The following ANKRD27 variants were observed in gnomAD, a reference collection of about 807,000 sequenced individuals.
ANKRD27 encodes ankyrin repeat domain-containing protein 27.
Under a neutral mutation model 129.7 loss-of-function variants are expected in ANKRD27, and 112 were observed. The ratio of observed to expected loss-of-function variants is 0.86; its 90% CI spans 0.74 to 1.01. The LOEUF (loss-of-function observed/expected upper bound fraction) is 1.01. Among genes scored for constraint, ANKRD27 ranks in the 50% least tolerant of loss-of-function variants. ANKRD27 has a pLI of 0.00. For synonymous variants in ANKRD27, 516 were observed against 511.2 expected (o/e 1.01, Z -0.13); for missense variants, 1,258 against 1,300.5 (o/e 0.97, Z 0.50).
rs764258917 is a variant in ANKRD27 at position 32,598,340 on chromosome 19, C to A, written c.2958G>T (p.Leu986=). 3.2e-5 allele frequency: 51 copies of A among 1,614,074 alleles called. No homozygotes were observed. The highest frequency in any genetic ancestry group is 4.2e-5 in the Non-Finnish European group (50 of 1,180,038). ...CAGCATGAGATCCACTCTGAGCTGG[C>A]AGGTTATTCTGTCTCAGTGTGACAC... The part of the protein sequence containing the change: ...RQSVTLRQNN[L]PAQSGSHAAE... The change falls in exon 29 of 29, where the codon CTG becomes CTT. Residue 986 remains leucine, a synonymous_variant. Transcript: ENST00000306065.
At chr19:32,619,703 A>C (rs747043072) in intron 18 of ANKRD27, 150 bp from the exon 19 acceptor site, 63 of 933,496 alleles carry the variant, frequency 6.7e-5, no homozygotes, top group Admixed American at 1.0e-4. Context: ...GCACCCTTGG[A>C]TAGACAGAAA....
Position 32,613,656 on chromosome 19 carries a change from G to A in ANKRD27, c.2175+2002C>T, listed in dbSNP as rs562853732. 7.9e-4 allele frequency among the ~76,000 whole-genome samples: 119 copies of A among 150,974 alleles called. 3 individuals carry two copies. The South Asian group carries it at 0.02, about 26-fold the overall frequency. On this transcript the variant is annotated intron_variant, in intron 22 of 28. Coordinates refer to ENST00000306065, the MANE Select transcript of ANKRD27 (RefSeq NM_032139.3). ...GCAACAGTGTGGAATCAAACGGAGTGAAGAAAGTCAATCCCAAAAGGATTG... is the reference window on the plus strand; with the variant it reads ...GCAACAGTGTGGAATCAAACGGAGTAAAGAAAGTCAATCCCAAAAGGATTG...
intron 22 of ANKRD27, 43 bp from the exon 23 acceptor site, chr19:32,607,875 G>A: frequency 6.4e-7 from 1 of 1,555,662 alleles, no homozygotes; most frequent in Middle Eastern, 1.7e-4. Flanking sequence ...CATCAGTATT[G>A]AAGAAACTGG....
chr19:32,647,073 G>A (rs1403228635), intron 3 of ANKRD27, among the ~76,000 whole-genome samples: 1 of 152,148 alleles, frequency 6.6e-6, no homozygotes, highest in Non-Finnish European at 1.5e-5. Flanking sequence ...TGATCCGCCC[G>A]CCTTGGCCTC....
At position 32,618,149 on chromosome 19, in the gene ANKRD27, G is replaced by A. The variant is rs191291899; in HGVS notation, c.2008-516C>T. ...TGCGCAGAACCCACTGCCATTTAGG[G>A]AATAATAAACTGTAACTTTATCAGT... On this transcript the variant is annotated intron_variant, in intron 20 of 28. Transcript: ENST00000306065. Among the ~76,000 whole-genome samples the A allele has an allele frequency of 3.9e-4, 41 of 105,182 alleles. 2 individuals are homozygous for A. The East Asian group carries it at 8.8e-3, about 23-fold the overall frequency. The allele number at this position is 105,182 out of a possible 152,430, so 69.0% of individuals were successfully genotyped here. A position where few individuals can be genotyped will look rare whatever the true frequency, so the allele number is the denominator to read the frequency against.
intron 20 of ANKRD27, among the ~76,000 whole-genome samples, chr19:32,618,695 T>TG (rs1166234414): frequency 2.6e-5 from 4 of 152,018 alleles, no homozygotes; most frequent in East Asian, 1.9e-4. Flanking sequence ...TCAGCACCCA[T>TG]GGGGGGGCCA....
intron 17 of ANKRD27, among the ~76,000 whole-genome samples, 185 bp from the exon 18 acceptor site, chr19:32,622,804 ATCTC>A (rs902101772): frequency 2.0e-5 from 3 of 150,332 alleles, no homozygotes; most frequent in Admixed American, 6.7e-5. Context: ...TTGAGACAGG[ATCTC>A]TCTCTGTTAT....
intron 17 of ANKRD27, among the ~76,000 whole-genome samples, chr19:32,623,439 G>T (rs1972043368): frequency 6.6e-6 from 1 of 152,110 alleles, no homozygotes; most frequent in Non-Finnish European, 1.5e-5. Context: ...AACTCTTGGG[G>T]ACTGAGTTCC....
intron 1 of ANKRD27, among the ~76,000 whole-genome samples, chr19:32,663,310 C>A (rs1273877437): frequency 6.6e-6 from 1 of 152,120 alleles, no homozygotes; most frequent in East Asian, 1.9e-4. Context: ...ACCACCCACC[C>A]AACTCACACA....
chr19:32,666,048 G>A (rs576104840), intron 1 of ANKRD27, among the ~76,000 whole-genome samples: 13 of 151,976 alleles, frequency 8.6e-5, no homozygotes, highest in East Asian at 5.8e-4. Context: ...GATTACAGGC[G>A]TGAGCCACCA....
chr19:32,640,090 T>C (rs1967166854), intron 11 of ANKRD27, among the ~76,000 whole-genome samples: 1 of 152,044 alleles, frequency 6.6e-6, no homozygotes, highest in Non-Finnish European at 1.5e-5. Flanking sequence ...GCCTCCTGAG[T>C]AGCTGGGACT....
rs1966922051 is a variant in ANKRD27 at position 32,628,036 on chromosome 19, ATC to A, written c.1420+45_1420+46del. On this transcript the variant is annotated intron_variant, in intron 15 of 28. Coordinates refer to ENST00000306065, the MANE Select transcript of ANKRD27 (RefSeq NM_032139.3). ...TCTCTGCTGGGTCACCTTGGGCACCATCCCTTTGCTGTGACAGCCCCTAGGGG... is the reference window on the plus strand; with the variant it reads ...TCTCTGCTGGGTCACCTTGGGCACCACCTTTGCTGTGACAGCCCCTAGGGG... 2.5e-6 allele frequency: 4 copies of A among 1,574,594 alleles called. No individual in the cohort carries two copies. In the East Asian group the frequency reaches 9.0e-5, roughly 35 times the overall value.
chr19:32,614,164 G>A (rs1971877285), intron 22 of ANKRD27, among the ~76,000 whole-genome samples: 1 of 152,082 alleles, frequency 6.6e-6, no homozygotes, highest in Admixed American at 6.6e-5. Context: ...TCCGGTGACA[G>A]ACACATGCTG....
intron 1 of ANKRD27, among the ~76,000 whole-genome samples, chr19:32,667,003 G>C (rs1400101875): frequency 6.6e-5 from 10 of 152,184 alleles, no homozygotes; most frequent in African/African-American, 2.4e-4. Flanking sequence ...ATCTGGGCCT[G>C]CACCACAGAG....
chr19:32,646,094 G>A (rs2145304498), intron 4 of ANKRD27, among the ~76,000 whole-genome samples: 1 of 151,688 alleles, frequency 6.6e-6, no homozygotes, highest in African/African-American at 2.4e-5. Context: ...ACCACACCTA[G>A]CTAATTTTTG....
At position 32,625,932 on chromosome 19, in the gene ANKRD27, A is replaced by G; in HGVS notation, c.1571T>C (p.Val524Ala). ...TGGCGTATTCCCATTGTTGTCCTGC[A>G]CTTCCGCGCTGGCCTTGTAGTGCAG... ...LLLHYKASAE[V>A]QDNNGNTPLH... The change falls in exon 17 of 29, where the codon GTG (valine) becomes GCG (alanine). Residue 524 changes from valine (V) to alanine (A), a missense_variant. Transcript: ENST00000306065. The G allele has an allele frequency of 6.2e-7, 1 of 1,611,262 alleles. No homozygotes were observed.
chr19:32,674,878 C>T (rs928077100), intron 1 of ANKRD27, among the ~76,000 whole-genome samples, 193 bp downstream of exon 1: 1 of 151,950 alleles, frequency 6.6e-6, no homozygotes, highest in African/African-American at 2.4e-5. Context: ...GCGCCGGCTG[C>T]GCACCGGGCA....
At chr19:32,600,589 C>CCTG (rs1487338164) in intron 26 of ANKRD27, among the ~76,000 whole-genome samples, 1 of 152,084 alleles carries the variant, frequency 6.6e-6, no homozygotes, top group African/African-American at 2.4e-5. Flanking sequence ...TGACTTCATG[C>CCTG]TCAGAAGAAT....
At chr19:32,610,019 T>A (rs1353475955) in intron 22 of ANKRD27, among the ~76,000 whole-genome samples, 1 of 149,970 alleles carries the variant, frequency 6.7e-6, no homozygotes, top group African/African-American at 2.5e-5. Flanking sequence ...TCTACAAAAA[T>A]AAAAAAAATA....
Sources: gnomAD v4.1 joint callset for allele counts (sites outside exome capture counted in the v4.1 genomes callset) on GRCh38, gnomAD v4.1.1 for gene constraint, MANE v1.5 for transcripts, NCBI Gene and HGNC (gene_info 2026-07-23, HGNC 2026-07-21) for gene names.